LRRC7: variants seen among roughly 807,000 people sequenced by gnomAD.
The protein encoded by LRRC7 is leucine rich repeat containing 7.
A neutral mutation model predicts 175.7 loss-of-function variants in LRRC7; 23 were observed. The observed-to-expected ratio is 0.13, with a 90% CI of 0.09 to 0.19. The LOEUF (loss-of-function observed/expected upper bound fraction) is 0.19, where lower values mean the gene tolerates loss of function less well. Among genes scored for constraint, LRRC7 ranks in the 10% least tolerant of loss-of-function variants. LRRC7 has a pLI of 1.00. For synonymous variants in LRRC7, 685 were observed against 680.9 expected, an observed-to-expected ratio of 1.01 and a Z score of -0.09; for missense variants, 1,354 against 1,904.7, an observed-to-expected ratio of 0.71 and a Z score of 5.38.
chr1:69,796,006 A>G (rs1675710681), intron 4 of LRRC7, among the ~76,000 whole-genome samples: 1 of 151,616 alleles, frequency 6.6e-6, no homozygotes, highest in Non-Finnish European at 1.5e-5. Context: ...CATGTGCACA[A>G]CGTGCAGGTT....
Position 69,709,948 on chromosome 1 carries a change from T to A in LRRC7, c.100+31470T>A, listed in dbSNP as rs116722887. On this transcript the variant is annotated intron_variant, in intron 2 of 26. Coordinates refer to ENST00000651989, the MANE Select transcript of LRRC7 (RefSeq NM_001370785.2). ...TATGGATATATGAAGCAAGACTTTT[T>A]AAGTTTCATTTCTTATGATAATGGT... 9.9e-3 allele frequency among the ~76,000 whole-genome samples: 1,509 copies of A among 152,232 alleles called. 22 individuals are homozygous for A. The highest frequency in any genetic ancestry group is 0.029 in the African/African-American group (1,216 of 41,546).
At chr1:70,011,709 G>A in intron 11 of LRRC7, 88 bp from the exon 12 acceptor site, 2 of 860,634 alleles carry the variant, frequency 2.3e-6, no homozygotes, top group Non-Finnish European at 3.7e-6. Flanking sequence ...AATAACTTTT[G>A]TTTTGGTGAA....
intron 23 of LRRC7, among the ~76,000 whole-genome samples, chr1:70,060,138 C>T (rs948934959): frequency 5.9e-5 from 9 of 151,940 alleles, no homozygotes; most frequent in African/African-American, 2.2e-4. Context: ...GCCAACAAGG[C>T]AAAACCCTGT....
chr1:69,791,811 T>C (rs1022856593), intron 3 of LRRC7, among the ~76,000 whole-genome samples: 1 of 151,814 alleles, frequency 6.6e-6, no homozygotes, highest in Non-Finnish European at 1.5e-5. Context: ...AGGGGCAAAA[T>C]AGAATATCTT....
chr1:69,571,109 T>A (rs1645722988), intron 1 of LRRC7, among the ~76,000 whole-genome samples: 1 of 152,212 alleles, frequency 6.6e-6, no homozygotes, highest in Admixed American at 6.5e-5. Flanking sequence ...TTTCATGACT[T>A]ATTATGAGGT....
chr1:70,050,419 A>G (rs1660662126), intron 22 of LRRC7, among the ~76,000 whole-genome samples: 1 of 152,082 alleles, frequency 6.6e-6, no homozygotes, highest in South Asian at 2.1e-4. Context: ...CATCTTCTGT[A>G]TTATTTTGAA....
intron 25 of LRRC7, among the ~76,000 whole-genome samples, chr1:70,101,573 G>A (rs1038690966): frequency 1.4e-4 from 22 of 152,236 alleles, no homozygotes; most frequent in African/African-American, 4.3e-4. Context: ...AGTCCTTTAA[G>A]GTTTATGTCC....
chr1:69,894,118 A>G (rs1426331176), intron 7 of LRRC7, among the ~76,000 whole-genome samples: 1 of 152,226 alleles, frequency 6.6e-6, no homozygotes, highest in African/African-American at 2.4e-5. Flanking sequence ...ATTTTACCTA[A>G]TCTAGGGACC....
chr1:69,836,892 A>G (rs539861939), intron 6 of LRRC7, among the ~76,000 whole-genome samples: 2 of 151,256 alleles, frequency 1.3e-5, no homozygotes, highest in African/African-American at 4.8e-5. Context: ...AAAAAAAAGA[A>G]AGGAAAGAGA....
chr1:70,121,702 G>A (rs962553958), intron 26 of LRRC7, 78 bp from the exon 27 acceptor site: 40 of 945,556 alleles, frequency 4.2e-5, no homozygotes, highest in East Asian at 3.1e-4. Flanking sequence ...CAGTGCTCCC[G>A]TGAATTTTAT....
chr1:69,660,455 G>A lies in LRRC7; in HGVS notation c.3-17926G>A, dbSNP rs556545633. On this transcript the variant is annotated intron_variant, in intron 1 of 26. Coordinates refer to ENST00000651989, the MANE Select transcript of LRRC7 (RefSeq NM_001370785.2). ...CAAAGCACACCTCAACAATGAATTC[G>A]GCAAAAACGTAGATAAAAGCCGATG... Among the ~76,000 whole-genome samples, 49 of 152,024 alleles carry A rather than the reference G, an allele frequency of 3.2e-4. No individual in the cohort carries two copies. In the Middle Eastern group the frequency reaches 0.014, roughly 42 times the overall value.
chr1:69,584,316 T>C (rs12088429), intron 1 of LRRC7, among the ~76,000 whole-genome samples: 12 of 152,154 alleles, frequency 7.9e-5, no homozygotes, highest in African/African-American at 2.4e-4. Context: ...CTTTGTTGCC[T>C]AACCTCCGTT....
rs1486947757 is a variant in LRRC7 at position 69,986,313 on chromosome 1, C to G, written c.858C>G (p.Asp286Glu). The part of the protein sequence containing the change: ...SKNRIETVDM[D>E]ISGCEALEDL... ...ACAGAATAGAAACAGTTGACATGGA[C>G]ATTTCTGGATGTGAAGCCCTTGAGG... Residue 286 changes from aspartate to glutamate, a missense_variant, in exon 10 of 27, where the codon GAC becomes GAG. This residue lies in a region of LRRC7 where 201 missense variants were observed against 481.4 expected (regional missense o/e 0.42). Coordinates refer to ENST00000651989, the MANE Select transcript of LRRC7 (RefSeq NM_001370785.2). The G allele has an allele frequency of 6.2e-7, 1 of 1,613,286 alleles. No homozygotes were observed. Among genetic ancestry groups the G allele is most frequent in the Non-Finnish European group, 8.5e-7 (1 of 1,179,562 alleles).
At chr1:69,641,250 T>A (rs1654160288) in intron 1 of LRRC7, among the ~76,000 whole-genome samples, 1 of 151,696 alleles carries the variant, frequency 6.6e-6, no homozygotes, top group Non-Finnish European at 1.5e-5. Context: ...ATTTCATATA[T>A]TTATTCATTC....
At chr1:70,052,990 A>G (rs776988007) in intron 22 of LRRC7, 36 bp from the exon 23 acceptor site, 2 of 1,558,812 alleles carry the variant, frequency 1.3e-6, no homozygotes, top group South Asian at 1.2e-5. Context: ...AACTTCTACT[A>G]CATCACTAAA....
intron 7 of LRRC7, among the ~76,000 whole-genome samples, chr1:69,858,486 C>G (rs1326938326): frequency 6.6e-6 from 1 of 151,438 alleles, no homozygotes; most frequent in Non-Finnish European, 1.5e-5. Flanking sequence ...AGACAAGGGC[C>G]ATCCAGGCTA....
At chr1:69,882,249 G>C (rs1686694221) in intron 7 of LRRC7, among the ~76,000 whole-genome samples, 1 of 152,068 alleles carries the variant, frequency 6.6e-6, no homozygotes, top group Non-Finnish European at 1.5e-5. Flanking sequence ...AGAGAGTAGA[G>C]AAAAGGTAAA....
intron 11 of LRRC7, among the ~76,000 whole-genome samples, chr1:69,999,074 A>G (rs571156067): frequency 1.3e-5 from 2 of 152,330 alleles, no homozygotes; most frequent in East Asian, 3.9e-4. Context: ...CTCTGTACAC[A>G]CAGCCTAAAC....
chr1:69,668,666 T>G (rs1259250585), intron 1 of LRRC7, among the ~76,000 whole-genome samples: 1 of 152,216 alleles, frequency 6.6e-6, no homozygotes, highest in African/African-American at 2.4e-5. Context: ...AACCCAGTAA[T>G]GGGATTGCTG....
Sources: gnomAD v4.1 joint callset for allele counts (sites outside exome capture counted in the v4.1 genomes callset) on GRCh38, gnomAD v4.1.1 for gene constraint, gnomAD v4.1.1 regional missense constraint, MANE v1.5 for transcripts, NCBI Gene and HGNC (gene_info 2026-07-23, HGNC 2026-07-21) for gene names.